Variants in TCERG1 observed in about 807,000 individuals in gnomAD.
TCERG1 encodes transcription elongation regulator 1, also known as TATA box binding protein (TBP)-associated factor, RNA polymerase II, S, 150kD.
Under a neutral mutation model 144.7 loss-of-function variants are expected in TCERG1, and 37 were observed. The observed-to-expected ratio is 0.26, with a 90% confidence interval of 0.20 to 0.34. The LOEUF (loss-of-function observed/expected upper bound fraction) is 0.34. Ranked by LOEUF, TCERG1 falls within the 10% of genes least tolerant of loss-of-function variation. The pLI is 1.00. For synonymous variants in TCERG1, 492 were observed against 458.2 expected (o/e 1.07, Z -0.94); for missense variants, 1,027 against 1,380.7 (o/e 0.74, Z 4.06).
At chr5:146,506,833 T>G (rs1768046606) in intron 19 of TCERG1, among the ~76,000 whole-genome samples, 195 bp from the exon 20 acceptor site, 1 of 152,212 alleles carries the variant, frequency 6.6e-6, no homozygotes, top group Admixed American at 6.5e-5. Context: ...AATAGAATTT[T>G]CCTCTTTTTT....
At chr5:146,461,843 G>C (rs560686113) in intron 4 of TCERG1, among the ~76,000 whole-genome samples, 1 of 152,242 alleles carries the variant, frequency 6.6e-6, no homozygotes, top group South Asian at 2.1e-4. Flanking sequence ...TGTGAAAAAT[G>C]ATGAAGAAAT....
chr5:146,471,473 T>C lies in TCERG1; in HGVS notation c.1513-15T>C, dbSNP rs1581444423. 2 of 1,607,524 alleles carry C rather than the reference T, an allele frequency of 1.2e-6. No individual in the cohort carries two copies. Among genetic ancestry groups the C allele is most frequent in the Non-Finnish European group, 1.7e-6 (2 of 1,177,244 alleles). ...GTTAATGTGATACTAATTAGAGTAA[T>C]ATCATTTCTTGTAGGAGCCCAAAGA... On this transcript the variant is annotated splice_polypyrimidine_tract_variant and intron_variant, in intron 8 of 22. Coordinates refer to ENST00000679501, the MANE Select transcript of TCERG1 (RefSeq NM_001382548.1).
intron 9 of TCERG1, among the ~76,000 whole-genome samples, chr5:146,472,471 C>T (rs1443850135): frequency 1.3e-5 from 2 of 151,982 alleles, no homozygotes; most frequent in Non-Finnish European, 2.9e-5. Context: ...TTTTATGTTA[C>T]TGTTGTAATT....
intron 19 of TCERG1, among the ~76,000 whole-genome samples, 178 bp from the exon 20 acceptor site, chr5:146,506,850 T>C (rs1203733885): frequency 1.3e-5 from 2 of 152,236 alleles, no homozygotes; most frequent in African/African-American, 4.8e-5. Context: ...TTTTTAAGGC[T>C]GAGTGGTACT....
intron 3 of TCERG1, among the ~76,000 whole-genome samples, chr5:146,458,485 A>AT (rs1763026847): frequency 6.6e-6 from 1 of 150,728 alleles, no homozygotes; most frequent in Non-Finnish European, 1.5e-5. Flanking sequence ...GCTATTTTTT[A>AT]TTTTTGAGAT....
chr5:146,468,243 C>A, intron 5 of TCERG1, 98 bp from the exon 6 acceptor site: 1 of 934,316 alleles, frequency 1.1e-6, no homozygotes, highest in South Asian at 2.3e-5. Context: ...TTGGAAATAG[C>A]ATTCTAAATT....
In TCERG1 at chr5:146,503,414, T is replaced by G; in HGVS notation, c.2473T>G (p.Leu825Val). The change falls in exon 18 of 23, where the codon TTG becomes GTG. Residue 825 changes from leucine to valine, a missense_variant. Leu to Val is a conservative substitution (Grantham distance 32, BLOSUM62 1). Transcript: ENST00000679501. Reference protein sequence around the residue: ...DFFELLSNHHLDSQSRWSKVK... With the variant: ...DFFELLSNHHVDSQSRWSKVK... ...CTTTGAACTATTATCTAATCATCACTTGGACAGTCAGTCTCGATGGAGCAA... is the reference window on the plus strand; with the variant it reads ...CTTTGAACTATTATCTAATCATCACGTGGACAGTCAGTCTCGATGGAGCAA... 1 of 1,613,750 alleles carries G rather than the reference T, an allele frequency of 6.2e-7. No homozygotes were observed. The highest frequency in any genetic ancestry group is 8.5e-7 in the Non-Finnish European group (1 of 1,179,822).
intron 16 of TCERG1, among the ~76,000 whole-genome samples, chr5:146,495,831 C>T (rs1002368854): frequency 6.6e-6 from 1 of 152,048 alleles, no homozygotes; most frequent in African/African-American, 2.4e-5. Context: ...TCTTCTAAAA[C>T]CATGCTAAAT....
chr5:146,458,923 A>G lies in TCERG1; in HGVS notation c.478A>G (p.Thr160Ala), dbSNP rs1763069128. 1 of 1,614,074 alleles carries G rather than the reference A, an allele frequency of 6.2e-7. No individual in the cohort carries two copies. The highest frequency in any genetic ancestry group is 1.3e-5 in the African/African-American group (1 of 74,946). Residue 160 changes from threonine (T) to alanine (A), a missense_variant, in exon 4 of 23, where the codon ACC (threonine) becomes GCC (alanine). Thr to Ala is a moderately conservative substitution (Grantham distance 58). Transcript: ENST00000679501. ...YNARTRESAW[T>A]KPDGVKVIQQ... ...TGCTCGGACACGTGAATCTGCATGGACCAAGCCAGATGGAGTTAAGGTTAT... is the reference window on the plus strand; with the variant it reads ...TGCTCGGACACGTGAATCTGCATGGGCCAAGCCAGATGGAGTTAAGGTTAT...
chr5:146,469,391 T>C (rs1008491159), intron 6 of TCERG1, among the ~76,000 whole-genome samples, 153 bp from the exon 7 acceptor site: 2 of 152,252 alleles, frequency 1.3e-5, no homozygotes, highest in African/African-American at 4.8e-5. Flanking sequence ...TTAAGTGGTA[T>C]TTTTATGTCA....
At chr5:146,510,232 G>A in intron 22 of TCERG1, 1 of 729,056 alleles carries the variant, frequency 1.4e-6, no homozygotes, top group Non-Finnish European at 2.1e-6. Flanking sequence ...GGGGTGGGAG[G>A]GTAATTCAGC....
intron 16 of TCERG1, 97 bp downstream of exon 16, chr5:146,493,135 G>A: frequency 1.1e-6 from 1 of 873,308 alleles, no homozygotes; most frequent in Admixed American, 3.3e-5. Flanking sequence ...TGACTATTTG[G>A]GCACTAAAAG....
chr5:146,509,282 C>A, intron 22 of TCERG1, 37 bp downstream of exon 22: 1 of 1,351,552 alleles, frequency 7.4e-7, no homozygotes, highest in Non-Finnish European at 1.1e-6. Context: ...GGCAGTCATT[C>A]TCTTTACTAG....
chr5:146,447,983 TTG>T (rs1262133495), intron 1 of TCERG1, among the ~76,000 whole-genome samples: 2 of 152,232 alleles, frequency 1.3e-5, no homozygotes, highest in African/African-American at 4.8e-5. Context: ...TATCCTGTAG[TTG>T]TGAGTAACAA....
At chr5:146,463,300 C>T (rs1414300834) in intron 4 of TCERG1, among the ~76,000 whole-genome samples, 1 of 152,162 alleles carries the variant, frequency 6.6e-6, no homozygotes, top group East Asian at 1.9e-4. Context: ...TCTATACCCT[C>T]TCACAGTTAG....
At chr5:146,478,419 A>T (rs1765047795) in intron 9 of TCERG1, 74 bp from the exon 10 acceptor site, 2 of 1,426,476 alleles carry the variant, frequency 1.4e-6, no homozygotes, top group East Asian at 2.4e-5. Flanking sequence ...CCTACTTGTA[A>T]CAGGCTGAAA....
intron 21 of TCERG1, 111 bp from the exon 22 acceptor site, chr5:146,509,034 T>A: frequency 2.0e-6 from 1 of 510,632 alleles, no homozygotes; most frequent in Non-Finnish European, 3.3e-6. Context: ...CTTTTGAATT[T>A]TAAATTTTAT....
rs564709186 is a variant in TCERG1 at position 146,484,924 on chromosome 5, C to T, written c.2163+1295C>T. Among the ~76,000 whole-genome samples, 6 of 152,230 alleles carry T rather than the reference C, an allele frequency of 3.9e-5. No homozygotes were observed. The South Asian group carries it at 1.2e-3, about 32-fold the overall frequency. ...TCCTTCATTCCATCTGTTCTTGTTC[C>T]TCTTTAGTCAAGTTCTTTTTCCACA... On this transcript the variant is annotated intron_variant, in intron 15 of 22. Coordinates refer to ENST00000679501, the MANE Select transcript of TCERG1 (RefSeq NM_001382548.1).
chr5:146,468,703 A>G (rs566822546), intron 6 of TCERG1, among the ~76,000 whole-genome samples: 1 of 152,210 alleles, frequency 6.6e-6, no homozygotes, highest in African/African-American at 2.4e-5. Flanking sequence ...TTTATTTTTG[A>G]TGTGTGTTTT....
Sources: allele counts gnomAD v4.1 joint callset (sites outside exome capture counted in the v4.1 genomes callset), GRCh38; gene constraint gnomAD v4.1.1; transcripts MANE v1.5; gene names NCBI Gene and HGNC (gene_info 2026-07-23, HGNC 2026-07-21).